The following CYP20A1 variants were observed in gnomAD, a reference collection of about 807,000 sequenced individuals.
CYP20A1 encodes the protein cytochrome P450 family 20 subfamily A member 1.
CYP20A1 carries 61 observed loss-of-function variants against 61.4 expected under a neutral mutation model. The observed-to-expected ratio is 0.99, with a 90% CI of 0.81 to 1.23. The LOEUF (loss-of-function observed/expected upper bound fraction) is 1.23. Ranked by LOEUF, CYP20A1 falls within the 50% of genes most tolerant of loss-of-function variation. The pLI is 0.00. For synonymous variants in CYP20A1, 193 were observed against 188.2 expected (o/e 1.03, Z -0.21); for missense variants, 530 against 542.4 (o/e 0.98, Z 0.23).
chr2:203,257,808 G>C (rs2066949893), intron 4 of CYP20A1, among the ~76,000 whole-genome samples: 1 of 151,872 alleles, frequency 6.6e-6, no homozygotes, highest in South Asian at 2.1e-4. Flanking sequence ...AAAAAAAAAT[G>C]TGGTTACTTA....
intron 6 of CYP20A1, among the ~76,000 whole-genome samples, chr2:203,275,159 G>A (rs568571542): frequency 2.4e-4 from 37 of 152,296 alleles, no homozygotes; most frequent in African/African-American, 7.9e-4. Context: ...TCAGGGTGTC[G>A]TGGGCATCAG....
chr2:203,285,569 G>A, intron 8 of CYP20A1, 43 bp from the exon 9 acceptor site: 6 of 1,489,236 alleles, frequency 4.0e-6, no homozygotes, highest in Non-Finnish European at 5.3e-6. Flanking sequence ...CCCAAGCCAT[G>A]AGTTAGCTAT....
chr2:203,267,965 A>T (rs1287222105), intron 5 of CYP20A1, among the ~76,000 whole-genome samples: 1 of 152,126 alleles, frequency 6.6e-6, no homozygotes, highest in East Asian at 1.9e-4. Context: ...TAACCTCAAA[A>T]TAGAAATAAT....
intron 7 of CYP20A1, among the ~76,000 whole-genome samples, chr2:203,279,649 A>G (rs1418948123): frequency 1.3e-5 from 2 of 152,178 alleles, no homozygotes; most frequent in Non-Finnish European, 1.5e-5. Flanking sequence ...CAGGACAGGG[A>G]TGAGATCTTC....
chr2:203,298,104 G>T lies in CYP20A1; in HGVS notation c.*1196G>T. On this transcript the variant is annotated 3_prime_UTR_variant, in exon 13 of 13. Transcript: ENST00000356079. The stretch of plus-strand genomic sequence containing the variant: ...TCTCACTAGTAAGTAACAAAATATT[G>T]GGGCAGGGCACAGTGGCTCATGCGT... 1 of 154,610 alleles carries T rather than the reference G, an allele frequency of 6.5e-6. No homozygotes were observed. Among genetic ancestry groups the T allele is most frequent in the Non-Finnish European group, 1.4e-5 (1 of 69,354 alleles). The allele number at this position is 154,610 out of a possible 1,614,324, so 9.6% of individuals were successfully genotyped here.
At chr2:203,245,341 A>G (rs2066424612) in intron 1 of CYP20A1, among the ~76,000 whole-genome samples, 1 of 139,040 alleles carries the variant, frequency 7.2e-6, no homozygotes, top group Non-Finnish European at 1.6e-5. Context: ...CATTCTTTAA[A>G]AAAAAATTTT....
At chr2:203,294,940 AATTTT>A (rs376787983) in intron 11 of CYP20A1, among the ~76,000 whole-genome samples, 42,393 of 89,604 alleles carry the variant, frequency 0.47, 11,210 homozygotes, top group Middle Eastern at 0.69. Context: ...CCTTTAAAAA[AATTTT>A]TTTTTTTTTT....
chr2:203,290,163 A>G (rs1404100295), intron 10 of CYP20A1, among the ~76,000 whole-genome samples: 1 of 151,266 alleles, frequency 6.6e-6, no homozygotes, highest in Non-Finnish European at 1.5e-5. Flanking sequence ...CTGGTCTTGA[A>G]CTCCTGACCT....
At chr2:203,288,559 T>G (rs1309967124) in intron 9 of CYP20A1, among the ~76,000 whole-genome samples, 1 of 152,214 alleles carries the variant, frequency 6.6e-6, no homozygotes, top group Non-Finnish European at 1.5e-5. Context: ...TGTTTATTGT[T>G]GTAGCTCAGT....
chr2:203,283,494 G>C, intron 8 of CYP20A1, among the ~76,000 whole-genome samples: 1 of 150,764 alleles, frequency 6.6e-6, no homozygotes. Context: ...GAGATTACAG[G>C]CGTGAGCCAC....
chr2:203,296,714 T>A, intron 12 of CYP20A1, 44 bp from the exon 13 acceptor site: 1 of 1,557,260 alleles, frequency 6.4e-7, no homozygotes. Flanking sequence ...GTTTAAAGTA[T>A]AATTTTTAAT....
At chr2:203,275,021 A>T (rs2067758217) in intron 6 of CYP20A1, among the ~76,000 whole-genome samples, 1 of 152,366 alleles carries the variant, frequency 6.6e-6, no homozygotes, top group African/African-American at 2.4e-5. Flanking sequence ...ATGGGATGCC[A>T]TGACTGGATC....
chr2:203,275,675 A>G (rs941616396), intron 6 of CYP20A1, among the ~76,000 whole-genome samples: 1 of 152,128 alleles, frequency 6.6e-6, no homozygotes, highest in African/African-American at 2.4e-5. Context: ...CCTGACTTCA[A>G]GTGATCCACC....
chr2:203,292,329 A>G lies in CYP20A1; in HGVS notation c.1148+3A>G, dbSNP rs769811800. On this transcript the variant is annotated splice_donor_region_variant and intron_variant, in intron 11 of 12. Coordinates refer to ENST00000356079, the MANE Select transcript of CYP20A1 (RefSeq NM_177538.3). ...AATACTTGGCCATCTCCACACAAGT[A>G]TGAAATATTTGTCATTGTATTTGTG... is the stretch of plus-strand genomic sequence containing the variant. 4 of 1,605,644 alleles carry G rather than the reference A, an allele frequency of 2.5e-6. 1 individual carries two copies. In the East Asian group the frequency reaches 6.7e-5, roughly 27 times the overall value.
intron 3 of CYP20A1, among the ~76,000 whole-genome samples, chr2:203,250,494 G>A (rs1226088590): frequency 6.7e-6 from 1 of 150,314 alleles, no homozygotes; most frequent in African/African-American, 2.4e-5. Context: ...TTGTGCTTTT[G>A]TAGAACAAGG....
At position 203,256,684 on chromosome 2, in the gene CYP20A1, G is replaced by A. The variant is rs548537842; in HGVS notation, c.432+4575G>A. Among the ~76,000 whole-genome samples the A allele has an allele frequency of 1.6e-3, 241 of 152,248 alleles. 1 individual carries two copies. The highest frequency in any genetic ancestry group is 2.4e-3 in the Non-Finnish European group (163 of 68,024). Reference sequence around the variant, plus strand: ...GTAATTCTATTTTTTGTAATCCTTTGAGTGTCTGTCTCCCTCACTTAAGTG... The same window carrying A: ...GTAATTCTATTTTTTGTAATCCTTTAAGTGTCTGTCTCCCTCACTTAAGTG... On this transcript the variant is annotated intron_variant, in intron 4 of 12. Transcript: ENST00000356079.
At chr2:203,239,342 C>T (rs1007782754) in intron 1 of CYP20A1, among the ~76,000 whole-genome samples, 5 of 151,924 alleles carry the variant, frequency 3.3e-5, no homozygotes, top group Non-Finnish European at 7.4e-5. Flanking sequence ...GGCTGCGTCG[C>T]TACCCCTCAG....
chr2:203,272,692 GCT>G lies in CYP20A1; in HGVS notation c.624_625del (p.Phe209SerfsTer6), dbSNP rs1559098492. On this transcript the variant is annotated frameshift_variant, in exon 6 of 13. Coordinates refer to ENST00000356079, the MANE Select transcript of CYP20A1 (RefSeq NM_177538.3). LOFTEE classifies it high-confidence loss of function. ...CAGGTTTGGTCTGAGATTGGAAAAG[GCT>G]TTCTAGATGGGTCACTTGATAAAAA... 1 of 1,606,980 alleles carries G rather than the reference GCT, an allele frequency of 6.2e-7. No individual in the cohort carries two copies. The highest frequency in any genetic ancestry group is 8.5e-7 in the Non-Finnish European group (1 of 1,177,676).
At position 203,297,213 on chromosome 2, in the gene CYP20A1, T is replaced by G. The variant is rs1034645258; in HGVS notation, c.*305T>G. The stretch of plus-strand genomic sequence containing the variant: ...TTCTTAGTGTGAGCTCTAAAATCAA[T>G]GTTCTTGAAAAAGAAATTATTTTGC... On this transcript the variant is annotated 3_prime_UTR_variant, in exon 13 of 13. Coordinates refer to ENST00000356079, the MANE Select transcript of CYP20A1 (RefSeq NM_177538.3). 1 of 190,572 alleles carries G rather than the reference T, an allele frequency of 5.2e-6. No homozygotes were observed. Among genetic ancestry groups the G allele is most frequent in the Non-Finnish European group, 1.1e-5 (1 of 92,620 alleles). The allele number at this position is 190,572 out of a possible 1,614,324, so 11.8% of individuals were successfully genotyped here.
Sources: allele counts gnomAD v4.1 joint callset (sites outside exome capture counted in the v4.1 genomes callset), GRCh38; gene constraint gnomAD v4.1.1; transcripts MANE v1.5; gene names NCBI Gene and HGNC (gene_info 2026-07-23, HGNC 2026-07-21).